The following BRDT variants were observed in gnomAD, a reference collection of about 807,000 sequenced individuals.
BRDT encodes bromodomain testis associated, also known as bromodomain testis-specific protein.
Under a neutral mutation model 113.9 loss-of-function variants are expected in BRDT, and 77 were observed. The ratio of observed to expected loss-of-function variants is 0.68; its 90% confidence interval spans 0.56 to 0.82. The LOEUF (loss-of-function observed/expected upper bound fraction) is 0.82. BRDT is among the 40% of genes least tolerant of loss of function. The pLI, the probability that BRDT is intolerant of heterozygous loss-of-function variation, is 0.00. For missense variants in BRDT, 1,027 were observed against 1,105.4 expected, an observed-to-expected ratio of 0.93 and a Z score of 1.01; for synonymous variants, 358 against 366.5, an observed-to-expected ratio of 0.98 and a Z score of 0.26.
chr1:91,967,421 G>A (rs573085789), intron 3 of BRDT, among the ~76,000 whole-genome samples: 30 of 150,060 alleles, frequency 2.0e-4, no homozygotes, highest in Admixed American at 5.3e-4. Flanking sequence ...TTTTTTAAAC[G>A]TAGTTTTGCT....
At chr1:91,962,975 C>A in intron 2 of BRDT, 29 bp downstream of exon 2, 1 of 1,458,430 alleles carries the variant, frequency 6.9e-7, no homozygotes, top group Non-Finnish European at 9.1e-7. Context: ...ATGTTAGTTT[C>A]AAAAAAAGAA....
At position 91,949,544 on chromosome 1, in the gene BRDT, CTG is replaced by C. The variant is rs1680809432; in HGVS notation, c.-175_-174del. On this transcript the variant is annotated 5_prime_UTR_variant, in exon 1 of 19. The change abolishes the stop of an existing upstream ORF in the 5' untranslated region. Coordinates refer to ENST00000399546, the MANE Select transcript of BRDT (RefSeq NM_207189.4). ...GGTAATGTACCCTCCACAGGGGGTG[CTG>C]CCTTAGGCCGGCCCCGAGGTGCGGC... 2 of 152,246 alleles carry C rather than the reference CTG, an allele frequency of 1.3e-5. No homozygotes were observed. The highest frequency in any genetic ancestry group is 2.9e-5 in the Non-Finnish European group (2 of 68,084). 9.4% of individuals were successfully genotyped at this position (152,246 alleles called of 1,614,324 possible).
chr1:91,981,519 C>T, intron 11 of BRDT, 99 bp from the exon 12 acceptor site: 4 of 1,553,676 alleles, frequency 2.6e-6, no homozygotes, highest in East Asian at 2.3e-5. Context: ...GCTGAGATTA[C>T]AGGCATGCGC....
At chr1:91,980,393 TTATTTATTCTTGA>T (rs2101671503) in intron 8 of BRDT, among the ~76,000 whole-genome samples, 1 of 152,342 alleles carries the variant, frequency 6.6e-6, no homozygotes, top group African/African-American at 2.4e-5. Flanking sequence ...CCTGGAAATG[TTATTTATTCTTGA>T]TCTGTTGGTA....
At chr1:91,983,722 T>C (rs1221912548) in intron 12 of BRDT, among the ~76,000 whole-genome samples, 1 of 151,362 alleles carries the variant, frequency 6.6e-6, no homozygotes, top group Non-Finnish European at 1.5e-5. Flanking sequence ...GGATTCTCAC[T>C]CTGTCGCCCA....
intron 7 of BRDT, 81 bp from the exon 8 acceptor site, chr1:91,979,488 A>G (rs535917329): frequency 7.5e-7 from 1 of 1,337,556 alleles, no homozygotes; most frequent in African/African-American, 1.5e-5. Flanking sequence ...TGACACTGAA[A>G]TGTACTTTTT....
intron 3 of BRDT, among the ~76,000 whole-genome samples, chr1:91,967,641 G>T (rs1263714476): frequency 2.0e-5 from 3 of 151,922 alleles, no homozygotes; most frequent in South Asian, 2.1e-4. Flanking sequence ...CAGGTGATCC[G>T]CCCGCTTCGG....
intron 12 of BRDT, among the ~76,000 whole-genome samples, chr1:91,986,895 A>G (rs1273790801): frequency 6.6e-6 from 1 of 152,122 alleles, no homozygotes. Context: ...AGAAAGCTAA[A>G]GGTACATGAC....
At chr1:91,957,302 G>A (rs1327035970) in intron 1 of BRDT, among the ~76,000 whole-genome samples, 1 of 152,112 alleles carries the variant, frequency 6.6e-6, no homozygotes, top group East Asian at 1.9e-4. Context: ...GACCATCCTG[G>A]CTAACACGGT....
At chr1:91,972,799 T>C (rs1683753803) in intron 4 of BRDT, among the ~76,000 whole-genome samples, 1 of 152,224 alleles carries the variant, frequency 6.6e-6, no homozygotes, top group African/African-American at 2.4e-5. Context: ...TGTATTTGAT[T>C]CCTAAGTTTT....
At chr1:91,985,441 C>T (rs144145844) in intron 12 of BRDT, among the ~76,000 whole-genome samples, 2,929 of 152,108 alleles carry the variant, frequency 0.019, 42 homozygotes, top group Non-Finnish European at 0.031. Flanking sequence ...GTGATCTGCA[C>T]ACCTCGGCCT....
chr1:91,955,159 A>G (rs1398400031), intron 1 of BRDT, among the ~76,000 whole-genome samples: 4 of 152,132 alleles, frequency 2.6e-5, no homozygotes. Flanking sequence ...AGGACCCACC[A>G]TTAACATGAA....
intron 2 of BRDT, among the ~76,000 whole-genome samples, chr1:91,963,600 C>T (rs552551850): frequency 1.7e-3 from 264 of 152,144 alleles, no homozygotes; most frequent in Non-Finnish European, 2.9e-3. Context: ...TTAGGTCTTA[C>T]GTTAGGAATT....
rs79345990 is a variant in BRDT, at chr1:91,980,776, T to C, written c.1421T>C (p.Met474Thr). 7.4e-4 allele frequency: 1,192 copies of C among 1,601,562 alleles called. 12 individuals carry two copies. In the African/African-American group the frequency reaches 0.015, roughly 20 times the overall value. Residue 474 changes from methionine to threonine, a missense_variant, in exon 9 of 19, where the codon ATG (methionine) becomes ACG (threonine). By Grantham distance (81) the Met-to-Thr change is moderately conservative. Transcript: ENST00000399546. Reference sequence around the variant, plus strand: ...AACAGCAATGAAAATCCAAGAAAAATGTGTGAGCAAATGAGGCTAAAGGAA... The same window carrying C: ...AACAGCAATGAAAATCCAAGAAAAACGTGTGAGCAAATGAGGCTAAAGGAA... Reference protein sequence around the residue: ...VNNSNENPRKMCEQMRLKEKS... With the variant: ...VNNSNENPRKTCEQMRLKEKS...
At chr1:91,962,218 A>G (rs1363090495) in intron 1 of BRDT, among the ~76,000 whole-genome samples, 1 of 146,332 alleles carries the variant, frequency 6.8e-6, no homozygotes, top group African/African-American at 2.5e-5. Context: ...TATATAGTGA[A>G]ACTTTTACTA....
At chr1:91,979,003 AAAAAAAAAAACAACAACAACAAC>A (rs1351057570) in intron 7 of BRDT, among the ~76,000 whole-genome samples, 1 of 134,130 alleles carries the variant, frequency 7.5e-6, no homozygotes, top group East Asian at 2.1e-4. Context: ...GTCTCAAAAA[AAAAAAAAAAACAACAACAACAAC>A]AAAAAAAACC....
At chr1:91,967,206 G>GT (rs1258273488) in intron 3 of BRDT, among the ~76,000 whole-genome samples, 1 of 151,942 alleles carries the variant, frequency 6.6e-6, no homozygotes, top group Non-Finnish European at 1.5e-5. Context: ...CCATGAGTAA[G>GT]TTTTGTTTTA....
At chr1:92,002,671 T>C (rs1352846965) in intron 16 of BRDT, among the ~76,000 whole-genome samples, 3 of 152,118 alleles carry the variant, frequency 2.0e-5, no homozygotes, top group Non-Finnish European at 4.4e-5. Flanking sequence ...TTGGCCCTTT[T>C]GTTTGTGTTT....
chr1:91,950,246 C>G (rs1416606892), intron 1 of BRDT: 1 of 151,836 alleles, frequency 6.6e-6, no homozygotes, highest in Admixed American at 6.6e-5. Context: ...GTCAGGAGTT[C>G]AAGACCAGCC....
Sources: allele counts gnomAD v4.1 joint callset (sites outside exome capture counted in the v4.1 genomes callset), GRCh38; gene constraint gnomAD v4.1.1; transcripts MANE v1.5; gene names NCBI Gene and HGNC (gene_info 2026-07-23, HGNC 2026-07-21).